ULK4: variants seen among roughly 807,000 people sequenced by gnomAD.
ULK4 encodes the protein unc-51 like kinase 4.
A neutral mutation model predicts 160.6 loss-of-function variants in ULK4; 133 were observed. The observed-to-expected ratio is 0.83, with a 90% CI of 0.72 to 0.96. The LOEUF (loss-of-function observed/expected upper bound fraction) is 0.96, where lower values mean the gene tolerates loss of function less well. Ranked by LOEUF, ULK4 falls within the 40% of genes least tolerant of loss-of-function variation. The pLI is 0.00. For synonymous variants in ULK4, 534 were observed against 539.8 expected (o/e 0.99, Z 0.15); for missense variants, 1,580 against 1,499.5 (o/e 1.05, Z -0.89).
intron 32 of ULK4, among the ~76,000 whole-genome samples, chr3:41,547,940 T>C (rs2086921093): frequency 1.3e-5 from 2 of 152,188 alleles, no homozygotes; most frequent in Admixed American, 1.3e-4. Flanking sequence ...GAGAGTGGCC[T>C]GCCTGCTGCC....
At chr3:41,602,361 G>GGAGGAAGGGAAA (rs1187671530) in intron 31 of ULK4, among the ~76,000 whole-genome samples, 2 of 147,380 alleles carry the variant, frequency 1.4e-5, no homozygotes, top group African/African-American at 2.5e-5. Flanking sequence ...GGAAAGGAAA[G>GGAGGAAGGGAAA]GAGGAAGGGA....
At chr3:41,293,476 CAA>C (rs2079612526) in intron 35 of ULK4, among the ~76,000 whole-genome samples, 1 of 152,130 alleles carries the variant, frequency 6.6e-6, no homozygotes, top group South Asian at 2.1e-4. Flanking sequence ...ACCTCACTCT[CAA>C]AGACTCACCA....
At chr3:41,637,021 T>A (rs544658549) in intron 30 of ULK4, among the ~76,000 whole-genome samples, 64 of 152,328 alleles carry the variant, frequency 4.2e-4, no homozygotes, top group African/African-American at 1.5e-3. Context: ...GTATACATCA[T>A]GGAATGGCTA....
At chr3:41,755,080 CTA>C (rs1239386986) in intron 21 of ULK4, among the ~76,000 whole-genome samples, 1 of 152,178 alleles carries the variant, frequency 6.6e-6, no homozygotes, top group Non-Finnish European at 1.5e-5. Flanking sequence ...AAAAGACAGA[CTA>C]TAAATAATTT....
rs148602414 is a variant in ULK4, at chr3:41,772,044, C to G, written c.2194-17556G>C. Among the ~76,000 whole-genome samples the G allele has an allele frequency of 5.2e-4, 79 of 152,274 alleles. 3 individuals are homozygous for G. The East Asian group carries it at 0.015, about 28-fold the overall frequency. On this transcript the variant is annotated intron_variant, in intron 21 of 36. Coordinates refer to ENST00000301831, the MANE Select transcript of ULK4 (RefSeq NM_017886.4). ...GTTACCACCACAGCTATTCTTTATACCAGAATCTCTGGGACACATTTAAAG... is the reference window on the plus strand; with the variant it reads ...GTTACCACCACAGCTATTCTTTATAGCAGAATCTCTGGGACACATTTAAAG...
chr3:41,569,709 T>C (rs1291037080), intron 31 of ULK4, among the ~76,000 whole-genome samples: 1 of 152,192 alleles, frequency 6.6e-6, no homozygotes, highest in African/African-American at 2.4e-5. Flanking sequence ...CTCTCTCTTG[T>C]TGATCAGACT....
At chr3:41,572,584 C>A (rs1031289314) in intron 31 of ULK4, among the ~76,000 whole-genome samples, 1 of 146,142 alleles carries the variant, frequency 6.8e-6, no homozygotes, top group Non-Finnish European at 1.5e-5. Context: ...CATGGTGAAA[C>A]CCTGTCTCTA....
chr3:41,720,947 A>T lies in ULK4; in HGVS notation c.2322-3086T>A, dbSNP rs181749387. Among the ~76,000 whole-genome samples, 37 of 152,280 alleles carry T rather than the reference A, an allele frequency of 2.4e-4. 1 individual carries two copies. Among genetic ancestry groups the T allele is most frequent in the Non-Finnish European group, 5.9e-5 (4 of 68,022 alleles). On this transcript the variant is annotated intron_variant, in intron 22 of 36. Transcript: ENST00000301831. ...TAGTTTGCTATTTATAACATCAAAAAATTGGGGTAGGAAGTATTTAGCAAA... is the reference window on the plus strand; with the variant it reads ...TAGTTTGCTATTTATAACATCAAAATATTGGGGTAGGAAGTATTTAGCAAA...
rs377096195 is a variant in ULK4 at position 41,645,376 on chromosome 3, G to A, written c.3071+18231C>T. ...CACACTGCTTTGAATGTGTCCCAGA[G>A]ATTCTGGTATGTTGTGTCTTTGTTC... On this transcript the variant is annotated intron_variant, in intron 30 of 36. Coordinates refer to ENST00000301831, the MANE Select transcript of ULK4 (RefSeq NM_017886.4). Among the ~76,000 whole-genome samples, 5 of 151,954 alleles carry A rather than the reference G, an allele frequency of 3.3e-5. No individual in the cohort carries two copies. The East Asian group carries it at 9.6e-4, about 29-fold the overall frequency.
At chr3:41,721,364 T>TA (rs1559507782) in intron 22 of ULK4, among the ~76,000 whole-genome samples, 227 of 35,992 alleles carry the variant, frequency 6.3e-3, no homozygotes, top group Non-Finnish European at 9.5e-3. Context: ...ATATATATAT[T>TA]TTTTTTTTTT....
At chr3:41,723,235 G>C (rs1290532578) in intron 22 of ULK4, among the ~76,000 whole-genome samples, 1 of 152,082 alleles carries the variant, frequency 6.6e-6, no homozygotes, top group Non-Finnish European at 1.5e-5. Context: ...ATTATGAACA[G>C]TAAGTGCCTG....
chr3:41,681,361 T>C, intron 29 of ULK4, 147 bp downstream of exon 29: 1 of 1,119,784 alleles, frequency 8.9e-7, no homozygotes, highest in South Asian at 1.7e-5. Flanking sequence ...ACCGCACCTG[T>C]CTAAACTTTT....
chr3:41,953,306 T>TATA (rs1447473585), intron 2 of ULK4, among the ~76,000 whole-genome samples: 87 of 91,810 alleles, frequency 9.5e-4, no homozygotes, highest in Non-Finnish European at 1.4e-3. Context: ...ATATATATAT[T>TATA]TTTTTTTTTT....
intron 32 of ULK4, among the ~76,000 whole-genome samples, chr3:41,488,822 A>C (rs2084639845): frequency 6.6e-6 from 1 of 152,212 alleles, no homozygotes; most frequent in Non-Finnish European, 1.5e-5. Context: ...TGGGACATTA[A>C]AGTGCTGGCT....
chr3:41,532,051 A>G (rs1215192982), intron 32 of ULK4, among the ~76,000 whole-genome samples: 1 of 152,192 alleles, frequency 6.6e-6, no homozygotes, highest in Non-Finnish European at 1.5e-5. Flanking sequence ...GCCAACCAAG[A>G]CAGACAGGTA....
chr3:41,705,246 C>A lies in ULK4; in HGVS notation c.2686+8G>T. The A allele has an allele frequency of 6.2e-7, 1 of 1,613,422 alleles. No homozygotes were observed. The highest frequency in any genetic ancestry group is 8.5e-7 in the Non-Finnish European group (1 of 1,179,688). On this transcript the variant is annotated splice_region_variant and intron_variant, in intron 26 of 36. Coordinates refer to ENST00000301831, the MANE Select transcript of ULK4 (RefSeq NM_017886.4). ...ACAAAGACACAAAATGTTCCAGGGTCTACTCACCTATGGCTCCATCTATGT... is the reference window on the plus strand; with the variant it reads ...ACAAAGACACAAAATGTTCCAGGGTATACTCACCTATGGCTCCATCTATGT...
chr3:41,931,785 C>A, intron 5 of ULK4, 59 bp downstream of exon 5: 1 of 1,576,786 alleles, frequency 6.3e-7, no homozygotes, highest in Non-Finnish European at 8.7e-7. Flanking sequence ...CTCCTAAACA[C>A]AGGACTTGGA....
chr3:41,399,554 A>C (rs956097420), intron 34 of ULK4, among the ~76,000 whole-genome samples: 1 of 152,006 alleles, frequency 6.6e-6, no homozygotes, highest in Non-Finnish European at 1.5e-5. Context: ...TCAGTGACAG[A>C]TATCTAAGAA....
chr3:41,456,452 A>G (rs76766753), intron 33 of ULK4, among the ~76,000 whole-genome samples: 2 of 152,326 alleles, frequency 1.3e-5, no homozygotes, highest in South Asian at 2.1e-4. Context: ...AATAACATCT[A>G]AAATATTTGT....
Sources: gnomAD v4.1 joint callset for allele counts (sites outside exome capture counted in the v4.1 genomes callset) on GRCh38, gnomAD v4.1.1 for gene constraint, MANE v1.5 for transcripts, NCBI Gene and HGNC (gene_info 2026-07-23, HGNC 2026-07-21) for gene names.